The following HCN1 variants were observed in gnomAD, a reference collection of about 807,000 sequenced individuals.
HCN1 encodes potassium/sodium hyperpolarization-activated cyclic nucleotide-gated channel 1.
Under a neutral mutation model 78.9 loss-of-function variants are expected in HCN1, and 13 were observed. The observed-to-expected ratio is 0.16, with a 90% CI of 0.11 to 0.26. HCN1 has a LOEUF of 0.26. Ranked by LOEUF, HCN1 falls within the 10% of genes least tolerant of loss-of-function variation. The pLI is 1.00. For missense variants in HCN1, 810 were observed against 1,154.3 expected, an observed-to-expected ratio of 0.70 and a Z score of 4.32; for synonymous variants, 552 against 455.5, an observed-to-expected ratio of 1.21 and a Z score of -2.70.
At chr5:45,577,621 G>A (rs1332047825) in intron 2 of HCN1, among the ~76,000 whole-genome samples, 2 of 151,714 alleles carry the variant, frequency 1.3e-5, no homozygotes, top group African/African-American at 2.4e-5. Context: ...TCCATTGCAG[G>A]ATAAATATAT....
intron 3 of HCN1, among the ~76,000 whole-genome samples, chr5:45,436,714 G>C (rs1740565742): frequency 6.6e-6 from 1 of 152,152 alleles, no homozygotes; most frequent in African/African-American, 2.4e-5. Flanking sequence ...AGGACTTGGA[G>C]AGATAAAGTC....
chr5:45,690,662 G>A (rs904711588), intron 1 of HCN1, among the ~76,000 whole-genome samples: 11 of 151,902 alleles, frequency 7.2e-5, no homozygotes, highest in South Asian at 2.1e-4. Flanking sequence ...AGTACTTAGA[G>A]AAAATATAAT....
At chr5:45,578,896 A>G (rs62369109) in intron 2 of HCN1, among the ~76,000 whole-genome samples, 8,346 of 152,038 alleles carry the variant, frequency 0.055, 299 homozygotes, top group East Asian at 0.15. Context: ...AATAAATTAA[A>G]AGCAATACCT....
chr5:45,283,414 G>T (rs180752791), intron 6 of HCN1, among the ~76,000 whole-genome samples: 21 of 152,198 alleles, frequency 1.4e-4, no homozygotes, highest in Non-Finnish European at 2.8e-4. Flanking sequence ...CTAATATCCA[G>T]CACCTATAAG....
intron 2 of HCN1, among the ~76,000 whole-genome samples, chr5:45,473,064 G>T (rs1180166608): frequency 5.3e-5 from 8 of 151,530 alleles, no homozygotes. Flanking sequence ...TCTTTTCCTT[G>T]CTCATCATCA....
Position 45,490,267 on chromosome 5 carries a change from T to C in HCN1, c.850-28260A>G, listed in dbSNP as rs112997387. Among the ~76,000 whole-genome samples, 1,314 of 152,182 alleles carry C rather than the reference T, an allele frequency of 8.6e-3. 19 individuals carry two copies. The highest frequency in any genetic ancestry group is 0.03 in the African/African-American group (1,239 of 41,546). ...AGGTTAGTCAGGAGTCAGATCATGA[T>C]GAGATTGGATTGTTTTCCTGAAAGA... On this transcript the variant is annotated intron_variant, in intron 2 of 7. Coordinates refer to ENST00000303230, the MANE Select transcript of HCN1 (RefSeq NM_021072.4).
intron 1 of HCN1, among the ~76,000 whole-genome samples, chr5:45,669,342 A>G (rs1746108283): frequency 6.6e-6 from 1 of 151,874 alleles, no homozygotes; most frequent in African/African-American, 2.4e-5. Flanking sequence ...GTCTTATGCC[A>G]GAGAAGCTAG....
At chr5:45,415,460 T>G (rs1301075172) in intron 3 of HCN1, among the ~76,000 whole-genome samples, 72 of 151,988 alleles carry the variant, frequency 4.7e-4, no homozygotes, top group Admixed American at 4.7e-3. Flanking sequence ...TTCCTAAGCC[T>G]TATAACAAAA....
At chr5:45,497,050 G>A (rs1742050987) in intron 2 of HCN1, among the ~76,000 whole-genome samples, 1 of 152,180 alleles carries the variant, frequency 6.6e-6, no homozygotes, top group Non-Finnish European at 1.5e-5. Context: ...TAGTTTGATT[G>A]CACTGTGGTC....
chr5:45,480,569 C>T (rs554995649), intron 2 of HCN1, among the ~76,000 whole-genome samples: 2 of 152,198 alleles, frequency 1.3e-5, no homozygotes, highest in South Asian at 4.2e-4. Flanking sequence ...GAGATTGAGA[C>T]ACTCAAATGA....
rs537947308 is a variant in HCN1 at position 45,276,315 on chromosome 5, T to C, written c.1619-9062A>G. ...AATTCATTCATTCATTCAGAATGGATTCATTAGTGCAGTGTCACACTTTAA... is the reference window on the plus strand; with the variant it reads ...AATTCATTCATTCATTCAGAATGGACTCATTAGTGCAGTGTCACACTTTAA... On this transcript the variant is annotated intron_variant, in intron 6 of 7. Transcript: ENST00000303230. Among the ~76,000 whole-genome samples, 253 of 152,236 alleles carry C rather than the reference T, an allele frequency of 1.7e-3. 2 individuals carry two copies. The highest frequency in any genetic ancestry group is 5.8e-3 in the African/African-American group (243 of 41,560).
chr5:45,329,700 T>C (rs1746307180), intron 5 of HCN1, among the ~76,000 whole-genome samples: 2 of 151,410 alleles, frequency 1.3e-5, no homozygotes, highest in African/African-American at 2.4e-5. Context: ...ATTAACACTA[T>C]TTATGTCCCA....
intron 2 of HCN1, among the ~76,000 whole-genome samples, chr5:45,528,170 T>A (rs1362719633): frequency 6.6e-6 from 1 of 151,958 alleles, no homozygotes; most frequent in East Asian, 1.9e-4. Context: ...CAATCTGATA[T>A]AATAATATAT....
intron 5 of HCN1, among the ~76,000 whole-genome samples, chr5:45,326,988 A>AAATTAATG (rs1294966238): frequency 6.6e-6 from 1 of 151,698 alleles, no homozygotes; most frequent in East Asian, 1.9e-4. Context: ...AAGCAGACAA[A>AAATTAATG]AATTAAAATT....
intron 2 of HCN1, among the ~76,000 whole-genome samples, chr5:45,512,902 T>C (rs1399487582): frequency 1.3e-5 from 2 of 152,124 alleles, no homozygotes; most frequent in African/African-American, 4.8e-5. Flanking sequence ...AGTGAAGTAA[T>C]ATTTAATAGA....
chr5:45,346,022 G>A (rs1365568951), intron 5 of HCN1, among the ~76,000 whole-genome samples: 3 of 152,202 alleles, frequency 2.0e-5, no homozygotes, highest in African/African-American at 7.2e-5. Context: ...ATGGCAGAAG[G>A]GGAAGCAAAC....
intron 3 of HCN1, among the ~76,000 whole-genome samples, chr5:45,456,471 C>T (rs1278682618): frequency 6.6e-6 from 1 of 151,882 alleles, no homozygotes; most frequent in Non-Finnish European, 1.5e-5. Flanking sequence ...TGTAGAATAG[C>T]ACTTATCAAA....
rs183596677 is a variant in HCN1, at chr5:45,658,791, T to A, written c.426-13183A>T. ...CACGAGACTATATCCCACACTTGGC[T>A]GAGAGGGTCCTACGCCCACGGAATC... On this transcript the variant is annotated intron_variant, in intron 1 of 7. Transcript: ENST00000303230. Among the ~76,000 whole-genome samples, 16 of 151,728 alleles carry A rather than the reference T, an allele frequency of 1.1e-4. No individual in the cohort carries two copies. The East Asian group carries it at 1.8e-3, about 17-fold the overall frequency.
At chr5:45,614,315 T>A (rs549984503) in intron 2 of HCN1, among the ~76,000 whole-genome samples, 30 of 152,240 alleles carry the variant, frequency 2.0e-4, no homozygotes, top group Non-Finnish European at 3.5e-4. Flanking sequence ...CCTAATTTCC[T>A]AGGAAAACAT....
Sources: allele counts gnomAD v4.1 joint callset (sites outside exome capture counted in the v4.1 genomes callset), GRCh38; gene constraint gnomAD v4.1.1; transcripts MANE v1.5; gene names NCBI Gene and HGNC (gene_info 2026-07-23, HGNC 2026-07-21).